Variants in SOX5 observed in about 807,000 individuals in gnomAD.
SOX5 encodes transcription factor SOX-5.
A neutral mutation model predicts 92.0 loss-of-function variants in SOX5; 9 were observed. That is an observed-to-expected ratio of 0.10 (90% CI 0.06 to 0.17). SOX5 has a LOEUF of 0.17. Ranked by LOEUF, SOX5 falls within the 10% of genes least tolerant of loss-of-function variation. SOX5 has a pLI of 1.00. For synonymous variants in SOX5, 344 were observed against 336.3 expected, an observed-to-expected ratio of 1.02 and a Z score of -0.25; for missense variants, 642 against 944.5, an observed-to-expected ratio of 0.68 and a Z score of 4.20.
chr12:23,566,362 G>A (rs1024643175), intron 10 of SOX5, among the ~76,000 whole-genome samples: 15 of 152,098 alleles, frequency 9.9e-5, no homozygotes, highest in Non-Finnish European at 1.9e-4. Context: ...GTGCAATCTT[G>A]TTTCTGTTGC....
intron 1 of SOX5, among the ~76,000 whole-genome samples, chr12:24,425,992 C>CACT (rs1966698021): frequency 6.6e-6 from 1 of 152,116 alleles, no homozygotes; most frequent in South Asian, 2.1e-4. Context: ...CAGTGAGAAA[C>CACT]ACTACCAAGG....
Position 23,643,028 on chromosome 12 carries a change from A to C in SOX5, c.932-2131T>G, listed in dbSNP as rs1160664290. On this transcript the variant is annotated intron_variant, in intron 7 of 14. Coordinates refer to ENST00000451604, the MANE Select transcript of SOX5 (RefSeq NM_006940.6). ...CATGAACCCGGGAGGCGGAGCTTGC[A>C]GTGAGCCGAGATCCCGCCACTGCAC... 9.5e-5 allele frequency among the ~76,000 whole-genome samples: 13 copies of C among 136,268 alleles called. 1 individual carries two copies. The highest frequency in any genetic ancestry group is 1.9e-4 in the Non-Finnish European group (12 of 63,134). The allele number at this position is 136,268 out of a possible 152,430, so 89.4% of individuals were successfully genotyped here.
At chr12:23,867,361 C>T (rs2096825613) in intron 2 of SOX5, among the ~76,000 whole-genome samples, 1 of 152,062 alleles carries the variant, frequency 6.6e-6, no homozygotes, top group South Asian at 2.1e-4. Flanking sequence ...CCAACATTTT[C>T]CCAGTCACAC....
chr12:23,913,674 T>G (rs2138511662), intron 1 of SOX5, among the ~76,000 whole-genome samples: 1 of 150,320 alleles, frequency 6.7e-6, no homozygotes, highest in East Asian at 2.0e-4. Context: ...AGGTGGAGGT[T>G]GCAGTGAGCC....
chr12:23,593,161 C>T (rs1319897024), intron 9 of SOX5, among the ~76,000 whole-genome samples: 1 of 152,052 alleles, frequency 6.6e-6, no homozygotes, highest in East Asian at 1.9e-4. Context: ...GTTCATGTTT[C>T]CTATATTCTC....
chr12:23,719,948 A>G (rs1235527160), intron 6 of SOX5, among the ~76,000 whole-genome samples: 1 of 152,152 alleles, frequency 6.6e-6, no homozygotes, highest in African/African-American at 2.4e-5. Context: ...ACAGTGTAAA[A>G]GAGAGGAACA....
chr12:24,015,941 A>G (rs1016130174), intron 4 of SOX5, among the ~76,000 whole-genome samples: 6 of 151,754 alleles, frequency 4.0e-5, no homozygotes, highest in Non-Finnish European at 7.4e-5. Flanking sequence ...AAAAAATCAC[A>G]GTAAGACAGC....
At chr12:24,083,741 A>G (rs1943636864) in intron 4 of SOX5, among the ~76,000 whole-genome samples, 1 of 152,054 alleles carries the variant, frequency 6.6e-6, no homozygotes. Context: ...GAGGAGAAGC[A>G]AGAAGGAATA....
At chr12:23,556,008 G>C (rs892324960) in intron 11 of SOX5, among the ~76,000 whole-genome samples, 1 of 152,156 alleles carries the variant, frequency 6.6e-6, no homozygotes, top group Non-Finnish European at 1.5e-5. Context: ...CTGACATACA[G>C]AGTGATGGAT....
intron 8 of SOX5, among the ~76,000 whole-genome samples, chr12:23,623,776 A>G (rs1422959300): frequency 6.6e-6 from 1 of 152,148 alleles, no homozygotes; most frequent in African/African-American, 2.4e-5. Flanking sequence ...CATTAGGATA[A>G]CAATCATAAA....
At position 24,351,070 on chromosome 12, in the gene SOX5, G is replaced by T. The variant is rs150320105; in HGVS notation, c.-174+17493C>A. Among the ~76,000 whole-genome samples, 550 of 151,632 alleles carry T rather than the reference G, an allele frequency of 3.6e-3. 2 individuals carry two copies. The highest frequency in any genetic ancestry group is 0.013 in the African/African-American group (530 of 41,332). On this transcript the variant is annotated intron_variant, in intron 2 of 4. Coordinates refer to the SOX5 transcript ENST00000446891. ...AAGAGCGAGACTCTATCTCAAAAAA[G>T]AAAAGAAAAGAAAAGAAAGAACTCA...
intron 2 of SOX5, among the ~76,000 whole-genome samples, chr12:23,884,446 C>G (rs184064497): frequency 6.6e-6 from 1 of 151,934 alleles, no homozygotes; most frequent in Non-Finnish European, 1.5e-5. Context: ...TGCCCAATAG[C>G]CTATTATTCT....
intron 6 of SOX5, among the ~76,000 whole-genome samples, chr12:23,705,679 G>T (rs1047051558): frequency 6.6e-6 from 1 of 151,930 alleles, no homozygotes; most frequent in African/African-American, 2.4e-5. Flanking sequence ...CTTAACTGTG[G>T]CTCAGTGACA....
intron 4 of SOX5, among the ~76,000 whole-genome samples, chr12:24,040,957 GA>G (rs1379580149): frequency 1.3e-5 from 2 of 152,208 alleles, no homozygotes; most frequent in South Asian, 2.1e-4. Flanking sequence ...GAAAATGGTA[GA>G]ATGCTTAGAA....
intron 2 of SOX5, among the ~76,000 whole-genome samples, chr12:23,895,115 A>C (rs982448615): frequency 6.6e-6 from 1 of 151,816 alleles, no homozygotes; most frequent in African/African-American, 2.4e-5. Flanking sequence ...TCTCATCCAC[A>C]AAGTCCTGGT....
chr12:23,903,214 A>G (rs1202693404), intron 1 of SOX5, among the ~76,000 whole-genome samples: 1 of 152,202 alleles, frequency 6.6e-6, no homozygotes, highest in Non-Finnish European at 1.5e-5. Context: ...GGAGATAGAT[A>G]GATAATAGAT....
chr12:23,981,269 C>T lies in SOX5; in HGVS notation c.-1-85245G>A, dbSNP rs547212177. Among the ~76,000 whole-genome samples, 10 of 152,230 alleles carry T rather than the reference C, an allele frequency of 6.6e-5. No individual in the cohort carries two copies. In the South Asian group the frequency reaches 1.9e-3, roughly 28 times the overall value. On this transcript the variant is annotated intron_variant, in intron 4 of 4. Coordinates refer to the SOX5 transcript ENST00000446891. The stretch of plus-strand genomic sequence containing the variant: ...TTAGGGATTTTATTAACACCTTCTC[C>T]CTCTCCACAGCCCTAGTTTACAGAA...
At chr12:24,274,252 T>C (rs1944149684) in intron 3 of SOX5, among the ~76,000 whole-genome samples, 1 of 152,196 alleles carries the variant, frequency 6.6e-6, no homozygotes, top group Admixed American at 6.5e-5. Context: ...TTATTTCTCT[T>C]ATTGTTCTAT....
rs869109489 is a variant in SOX5, at chr12:23,960,505, ATT to A, written c.-1-64483_-1-64482del. 6.5e-3 allele frequency among the ~76,000 whole-genome samples: 785 copies of A among 120,072 alleles called. 7 individuals are homozygous for A. The highest frequency in any genetic ancestry group is 0.021 in the African/African-American group (753 of 35,500). The allele number at this position is 120,072 out of a possible 152,430, so 78.8% of individuals were successfully genotyped here. A position where few individuals can be genotyped will look rare whatever the true frequency, so the allele number is the denominator to read the frequency against. ...TTTATATATATTTATATACATATAT[ATT>A]TATATACATATATATATATATACAT... On this transcript the variant is annotated intron_variant, in intron 4 of 4. Coordinates refer to the SOX5 transcript ENST00000446891.
Sources: allele counts gnomAD v4.1 joint callset (sites outside exome capture counted in the v4.1 genomes callset), GRCh38; gene constraint gnomAD v4.1.1; transcripts MANE v1.5; gene names NCBI Gene and HGNC (gene_info 2026-07-23, HGNC 2026-07-21).